BIN3: variants seen among roughly 807,000 people sequenced by gnomAD.
BIN3 encodes the protein bridging integrator 3.
BIN3 carries 41 observed loss-of-function variants against 38.2 expected under a neutral mutation model. The ratio of observed to expected loss-of-function variants is 1.07; its 90% CI spans 0.84 to 1.39. BIN3 has a LOEUF of 1.39. Ranked by LOEUF, BIN3 falls within the 40% of genes most tolerant of loss-of-function variation. BIN3 has a pLI of 0.00. For missense variants in BIN3, 361 were observed against 324.3 expected (o/e 1.11, Z -0.87); for synonymous variants, 145 against 122.6 (o/e 1.18, Z -1.21).
chr8:22,625,136 G>T lies in BIN3; in HGVS notation c.339-773C>A. On this transcript the variant is annotated intron_variant, in intron 6 of 8. Coordinates refer to ENST00000276416, the MANE Select transcript of BIN3 (RefSeq NM_018688.6). The stretch of plus-strand genomic sequence containing the variant: ...GAAGGGACCGCGTGGGAGACTCAGA[G>T]GAGTGGCCCTCAGAGAGAGCAGCAG... The T allele has an allele frequency of 5.2e-6, 3 of 573,710 alleles. No homozygotes were observed. In the South Asian group the frequency reaches 6.7e-5, roughly 13 times the overall value. 35.5% of individuals were successfully genotyped at this position (573,710 alleles called of 1,614,324 possible).
At chr8:22,623,836 C>T (rs925769062) in intron 8 of BIN3, 79 bp downstream of exon 8, 2 of 1,511,978 alleles carry the variant, frequency 1.3e-6, no homozygotes, top group South Asian at 1.3e-5. Flanking sequence ...ATGGCTAAGC[C>T]ACCCTTCCAG....
At chr8:22,640,845 G>T (rs1467337841) in intron 2 of BIN3, among the ~76,000 whole-genome samples, 1 of 152,134 alleles carries the variant, frequency 6.6e-6, no homozygotes, top group East Asian at 1.9e-4. Flanking sequence ...AGGAACTTGA[G>T]GTCTCACAAT....
intron 4 of BIN3, among the ~76,000 whole-genome samples, chr8:22,633,374 C>A (rs1409141395): frequency 6.6e-6 from 1 of 152,200 alleles, no homozygotes; most frequent in Non-Finnish European, 1.5e-5. Context: ...GCCCATACCC[C>A]TCATTGTTCC....
intron 1 of BIN3, among the ~76,000 whole-genome samples, chr8:22,656,174 A>T (rs1322140505): frequency 1.3e-5 from 2 of 149,194 alleles, no homozygotes; most frequent in East Asian, 3.9e-4. Flanking sequence ...ATTCAGGGCC[A>T]TATTTCTTTT....
intron 1 of BIN3, among the ~76,000 whole-genome samples, chr8:22,662,420 C>G (rs898304480): frequency 6.6e-6 from 1 of 152,194 alleles, no homozygotes; most frequent in African/African-American, 2.4e-5. Context: ...ACTAATAGGA[C>G]CAAACATCTT....
intron 6 of BIN3, chr8:22,625,388 C>A (rs982177023): frequency 1.4e-6 from 1 of 702,562 alleles, no homozygotes; most frequent in Admixed American, 2.0e-5. Flanking sequence ...CGGAGGTGAC[C>A]CAGGACCAGA....
chr8:22,621,361 A>G lies in BIN3; in HGVS notation c.*61T>C. ...CCTGTGAGAGGAGCAGCTAGCCCTG[A>G]GAAGGGCAAGGATGAATGAGGCTGA... On this transcript the variant is annotated 3_prime_UTR_variant, in exon 9 of 9. Coordinates refer to ENST00000276416, the MANE Select transcript of BIN3 (RefSeq NM_018688.6). 6.4e-7 allele frequency: 1 copy of G among 1,555,006 alleles called. No individual in the cohort carries two copies. The highest frequency in any genetic ancestry group is 8.7e-7 in the Non-Finnish European group (1 of 1,147,894).
chr8:22,640,093 C>A (rs2117545483), intron 2 of BIN3, among the ~76,000 whole-genome samples: 1 of 152,142 alleles, frequency 6.6e-6, no homozygotes, highest in Non-Finnish European at 1.5e-5. Flanking sequence ...AACTCCTGAC[C>A]TCAGGTGATC....
At chr8:22,634,192 G>T (rs1246057179) in intron 4 of BIN3, among the ~76,000 whole-genome samples, 3 of 152,192 alleles carry the variant, frequency 2.0e-5, no homozygotes, top group African/African-American at 7.2e-5. Context: ...AGAAAAATGC[G>T]ACCCAAGTAA....
At chr8:22,626,072 A>G (rs1398176074) in intron 6 of BIN3, 3 of 152,524 alleles carry the variant, frequency 2.0e-5, no homozygotes, top group Admixed American at 6.5e-5. Flanking sequence ...CTCTACCTCA[A>G]CAGTGTCCAT....
intron 5 of BIN3, 133 bp downstream of exon 5, chr8:22,630,309 G>T: frequency 7.6e-7 from 1 of 1,314,826 alleles, no homozygotes. Flanking sequence ...GCAGCACCTT[G>T]CAGCACACGA....
rs1281884020 is a variant in BIN3 at position 22,636,572 on chromosome 8, G to T, written c.113C>A (p.Thr38Asn). The change falls in exon 4 of 9, where the codon ACC (threonine) becomes AAC (asparagine). Residue 38 changes from threonine (T) to asparagine (N), a missense_variant. Thr to Asn is a moderately conservative substitution (Grantham distance 65, BLOSUM62 0). Coordinates refer to ENST00000276416, the MANE Select transcript of BIN3 (RefSeq NM_018688.6). Reference sequence around the variant, plus strand: ...CTTCATGTCTTTCTGCAGCCTCCGGGTCTGCTCTTCCAGCCTGCAAGGCAG... The same window carrying T: ...CTTCATGTCTTTCTGCAGCCTCCGGTTCTGCTCTTCCAGCCTGCAAGGCAG... Reference protein sequence around the residue: ...YGKLQQLEEQTRRLQKDMKKS... With the variant: ...YGKLQQLEEQNRRLQKDMKKS... 8.4e-6 allele frequency: 13 copies of T among 1,552,362 alleles called. No homozygotes were observed. In the East Asian group the frequency reaches 1.7e-4, roughly 20 times the overall value.
intron 6 of BIN3, among the ~76,000 whole-genome samples, chr8:22,628,658 G>A (rs1209907607): frequency 6.6e-6 from 1 of 152,224 alleles, no homozygotes; most frequent in Non-Finnish European, 1.5e-5. Flanking sequence ...TGAAACTGAG[G>A]TGGGAGTCAG....
chr8:22,624,415 C>T (rs1477456198), intron 6 of BIN3, 52 bp from the exon 7 acceptor site: 42 of 1,588,548 alleles, frequency 2.6e-5, no homozygotes, highest in Non-Finnish European at 3.4e-5. Flanking sequence ...GGTGGCCTGG[C>T]TGGAGATGGG....
At chr8:22,659,805 C>T (rs1375044225) in intron 1 of BIN3, among the ~76,000 whole-genome samples, 2 of 152,196 alleles carry the variant, frequency 1.3e-5, no homozygotes, top group Non-Finnish European at 2.9e-5. Context: ...AAATAATTTA[C>T]TCATCTTCTA....
intron 1 of BIN3, among the ~76,000 whole-genome samples, chr8:22,647,662 T>G (rs928216109): frequency 2.6e-5 from 4 of 152,178 alleles, no homozygotes; most frequent in South Asian, 2.1e-4. Context: ...TCTGGCACAA[T>G]AAGAGGTTAT....
chr8:22,627,471 C>A (rs936564535), intron 6 of BIN3, among the ~76,000 whole-genome samples: 6 of 152,178 alleles, frequency 3.9e-5, no homozygotes, highest in African/African-American at 1.4e-4. Context: ...CAGGTCAGGG[C>A]TCAGGCTGCT....
chr8:22,639,319 C>A (rs1194865236), intron 2 of BIN3, among the ~76,000 whole-genome samples: 1 of 151,908 alleles, frequency 6.6e-6, no homozygotes, highest in East Asian at 1.9e-4. Flanking sequence ...GCAGCCTTGA[C>A]CTTCTAGGCT....
chr8:22,641,203 A>G (rs1394262567), intron 2 of BIN3, among the ~76,000 whole-genome samples: 1 of 151,948 alleles, frequency 6.6e-6, no homozygotes, highest in Non-Finnish European at 1.5e-5. Flanking sequence ...ATGCAAGTAT[A>G]AACACATGTG....
Sources: gnomAD v4.1 joint callset for allele counts (sites outside exome capture counted in the v4.1 genomes callset) on GRCh38, gnomAD v4.1.1 for gene constraint, MANE v1.5 for transcripts, NCBI Gene and HGNC (gene_info 2026-07-23, HGNC 2026-07-21) for gene names.